SORCS2: variants seen among roughly 807,000 people sequenced by gnomAD.
SORCS2 encodes VPS10 domain-containing receptor SorCS2.
A neutral mutation model predicts 141.6 loss-of-function variants in SORCS2; 100 were observed. The observed-to-expected ratio is 0.71, with a 90% CI of 0.60 to 0.83. The LOEUF is 0.83. Among genes scored for constraint, SORCS2 ranks in the 40% least tolerant of loss-of-function variants. The pLI is 0.00. For synonymous variants in SORCS2, 789 were observed against 676.9 expected (o/e 1.17, Z -2.57); for missense variants, 1,646 against 1,560.2 (o/e 1.05, Z -0.93).
intron 1 of SORCS2, among the ~76,000 whole-genome samples, chr4:7,212,228 G>C (rs1728099066): frequency 6.6e-6 from 1 of 152,196 alleles, no homozygotes; most frequent in African/African-American, 2.4e-5. Flanking sequence ...TAGCCCACAC[G>C]GCACAGGTCA....
chr4:7,540,660 C>A (rs1162462903), intron 3 of SORCS2, among the ~76,000 whole-genome samples: 2 of 152,222 alleles, frequency 1.3e-5, no homozygotes, highest in Non-Finnish European at 2.9e-5. Context: ...ATCACCCGCT[C>A]CCCGGCCCAC....
chr4:7,418,711 C>CCA (rs1553859475), intron 2 of SORCS2, among the ~76,000 whole-genome samples: 3 of 119,560 alleles, frequency 2.5e-5, no homozygotes, highest in East Asian at 2.3e-4. Flanking sequence ...GACCCCCCCC[C>CCA]CCACCAGATT....
At chr4:7,406,960 G>A (rs4689731) in intron 2 of SORCS2, among the ~76,000 whole-genome samples, 58,435 of 151,926 alleles carry the variant, frequency 0.38, 12,103 homozygotes, top group East Asian at 0.5. Flanking sequence ...TCAGGAGCAT[G>A]TTGTTTAATT....
chr4:7,392,909 G>C (rs867805766), intron 1 of SORCS2, among the ~76,000 whole-genome samples: 26 of 150,328 alleles, frequency 1.7e-4, no homozygotes, highest in South Asian at 1.1e-3. Context: ...GGGGGGGGGG[G>C]GGTGCTGCGA....
chr4:7,195,210 A>G (rs10035047), intron 1 of SORCS2, among the ~76,000 whole-genome samples: 81,624 of 145,092 alleles, frequency 0.56, 24,127 homozygotes, highest in African/African-American at 0.76. Flanking sequence ...TGGGGGGAGG[A>G]TTGTGGGTGG....
In SORCS2 at chr4:7,229,746, G is replaced by C. The variant is rs1185185567; in HGVS notation, c.480+36620G>C. Among the ~76,000 whole-genome samples, 3 of 152,214 alleles carry C rather than the reference G, an allele frequency of 2.0e-5. No individual in the cohort carries two copies. In the South Asian group the frequency reaches 6.2e-4, roughly 32 times the overall value. On this transcript the variant is annotated intron_variant, in intron 1 of 26. Coordinates refer to ENST00000507866, the MANE Select transcript of SORCS2 (RefSeq NM_020777.3). The stretch of plus-strand genomic sequence containing the variant: ...GTCAAGTCTTCGAGTCTCTGGGCAG[G>C]AGCAGTGTCATGTGCTCATGTATGA...
chr4:7,616,073 G>C (rs970240156), intron 3 of SORCS2, among the ~76,000 whole-genome samples: 2 of 152,166 alleles, frequency 1.3e-5, no homozygotes, highest in African/African-American at 4.8e-5. Flanking sequence ...GGCATCCCTA[G>C]CTTCAGCTGG....
At chr4:7,262,335 T>TATCCATCCATCC (rs111342775) in intron 1 of SORCS2, among the ~76,000 whole-genome samples, 1 of 144,770 alleles carries the variant, frequency 6.9e-6, no homozygotes, top group South Asian at 2.3e-4. Flanking sequence ...TCCATCCATC[T>TATCCATCCATCC]ATCCATCCAT....
At chr4:7,502,320 G>C (rs765449634) in intron 2 of SORCS2, among the ~76,000 whole-genome samples, 1 of 152,250 alleles carries the variant, frequency 6.6e-6, no homozygotes, top group African/African-American at 2.4e-5. Flanking sequence ...ACATCTCCCT[G>C]GTGGGGGAAG....
At chr4:7,675,680 C>G (rs539418583) in intron 8 of SORCS2, among the ~76,000 whole-genome samples, 2 of 152,168 alleles carry the variant, frequency 1.3e-5, no homozygotes, top group East Asian at 1.9e-4. Context: ...GCCCTCACCC[C>G]CTGGAATCAA....
chr4:7,388,193 C>A (rs1429136958), intron 1 of SORCS2, among the ~76,000 whole-genome samples: 1 of 152,226 alleles, frequency 6.6e-6, no homozygotes, highest in Admixed American at 6.5e-5. Context: ...AGACGGCCTG[C>A]AGAAGTCGGC....
At chr4:7,306,339 A>T (rs1238098122) in intron 1 of SORCS2, among the ~76,000 whole-genome samples, 1 of 148,880 alleles carries the variant, frequency 6.7e-6, no homozygotes, top group Non-Finnish European at 1.5e-5. Context: ...TCTGGAAGGA[A>T]GTCCAGAGTT....
chr4:7,521,584 G>T (rs1221522047), intron 2 of SORCS2, among the ~76,000 whole-genome samples: 1 of 152,192 alleles, frequency 6.6e-6, no homozygotes, highest in Non-Finnish European at 1.5e-5. Context: ...GGGCGCCACA[G>T]CGGTCTGTGT....
At chr4:7,391,730 C>A (rs1034035178) in intron 1 of SORCS2, among the ~76,000 whole-genome samples, 1 of 152,170 alleles carries the variant, frequency 6.6e-6, no homozygotes, top group African/African-American at 2.4e-5. Context: ...CCTTTCTTTT[C>A]TCTGAACCTC....
intron 5 of SORCS2, among the ~76,000 whole-genome samples, chr4:7,655,072 G>A (rs549222116): frequency 2.0e-5 from 3 of 152,308 alleles, no homozygotes; most frequent in African/African-American, 7.2e-5. Flanking sequence ...AGGAGCCAGT[G>A]CAGCCGTTCA....
At chr4:7,575,700 T>A (rs974773595) in intron 3 of SORCS2, among the ~76,000 whole-genome samples, 2 of 152,252 alleles carry the variant, frequency 1.3e-5, no homozygotes, top group Non-Finnish European at 1.5e-5. Flanking sequence ...GCCGCTGGAC[T>A]GGACACTTGC....
At chr4:7,477,115 G>A (rs1730345182) in intron 2 of SORCS2, among the ~76,000 whole-genome samples, 1 of 152,248 alleles carries the variant, frequency 6.6e-6, no homozygotes, top group Admixed American at 6.5e-5. Context: ...GTTCCACCTG[G>A]GCCGTGGGGA....
chr4:7,568,332 C>T (rs1204974398), intron 3 of SORCS2, among the ~76,000 whole-genome samples: 1 of 152,188 alleles, frequency 6.6e-6, no homozygotes, highest in African/African-American at 2.4e-5. Flanking sequence ...GTCCTAATAG[C>T]ATAAGTATTT....
intron 1 of SORCS2, among the ~76,000 whole-genome samples, chr4:7,387,763 TAC>T (rs1297223744): frequency 2.7e-5 from 3 of 111,556 alleles, no homozygotes; most frequent in East Asian, 6.1e-4. Context: ...TACACAGAAA[TAC>T]ACACATGCAC....
Sources: gnomAD v4.1 joint callset for allele counts (sites outside exome capture counted in the v4.1 genomes callset) on GRCh38, gnomAD v4.1.1 for gene constraint, MANE v1.5 for transcripts, NCBI Gene and HGNC (gene_info 2026-07-23, HGNC 2026-07-21) for gene names.